Variants in LDAF1 observed in about 807,000 individuals in gnomAD.
LDAF1 encodes PROMETHIN.
In LDAF1, 7 loss-of-function variants were observed where a neutral mutation model predicts 13.5. That is an observed-to-expected ratio of 0.52 (90% CI 0.29 to 0.97). The LOEUF is 0.97. Among genes scored for constraint, LDAF1 ranks in the 50% least tolerant of loss-of-function variants. The probability of loss-of-function intolerance (pLI) is 0.07; values close to 1 mark genes in which losing one functional copy is unlikely to be tolerated. For missense variants in LDAF1, 148 were observed against 193.2 expected, an observed-to-expected ratio of 0.77 and a Z score of 1.39; for synonymous variants, 69 against 77.1, an observed-to-expected ratio of 0.89 and a Z score of 0.55.
At chr16:21,175,916 G>A (rs1327131587) in intron 4 of LDAF1, among the ~76,000 whole-genome samples, 1 of 151,940 alleles carries the variant, frequency 6.6e-6, no homozygotes, top group Non-Finnish European at 1.5e-5. Flanking sequence ...TTGTTCATTT[G>A]TATTTTACTT....
chr16:21,168,856 T>C (rs2093055078), intron 2 of LDAF1, among the ~76,000 whole-genome samples: 2 of 134,662 alleles, frequency 1.5e-5, no homozygotes, highest in South Asian at 4.3e-4. Context: ...AATATTTTTA[T>C]ATTTTATATT....
intron 4 of LDAF1, 87 bp from the exon 5 acceptor site, chr16:21,179,386 AAG>A: frequency 6.2e-7 from 1 of 1,609,026 alleles, no homozygotes; most frequent in East Asian, 2.2e-5. Context: ...AATCAGGAAA[AAG>A]AACATCATGT....
chr16:21,159,386 G>A (rs764450266), intron 1 of LDAF1: 2 of 1,614,114 alleles, frequency 1.2e-6, no homozygotes, highest in African/African-American at 1.3e-5. Context: ...CTGAAAGGCT[G>A]GGCCCGGATG....
chr16:21,179,809 G>T lies in LDAF1; in HGVS notation c.*253G>T, dbSNP rs930931059. 6 of 413,122 alleles carry T rather than the reference G, an allele frequency of 1.5e-5. No individual in the cohort carries two copies. Among genetic ancestry groups the T allele is most frequent in the African/African-American group, 1.2e-4 (6 of 48,970 alleles). The allele number at this position is 413,122 out of a possible 1,614,324, so 25.6% of individuals were successfully genotyped here. On this transcript the variant is annotated 3_prime_UTR_variant, in exon 5 of 5. Transcript: ENST00000233047. ...CGCCCTGCCCCAAGTATGCAGACTT[G>T]ACCTTGGCGGGGTCCTGGGCTTCTA...
chr16:21,166,693 G>C (rs2093027358), intron 2 of LDAF1: 5 of 664,578 alleles, frequency 7.5e-6, no homozygotes, highest in Non-Finnish European at 1.3e-5. Flanking sequence ...TCTTTGGATT[G>C]TAAAGATCAG....
At chr16:21,172,246 G>A (rs1049193817) in intron 3 of LDAF1, among the ~76,000 whole-genome samples, 1 of 151,246 alleles carries the variant, frequency 6.6e-6, no homozygotes, top group Non-Finnish European at 1.5e-5. Flanking sequence ...AGGAGTTCGC[G>A]ACCAGCCTGG....
At chr16:21,159,526 CAGG>C (rs2092942116) in intron 1 of LDAF1, 2 of 1,274,866 alleles carry the variant, frequency 1.6e-6, no homozygotes, top group East Asian at 2.3e-5. Flanking sequence ...GTGGGAGGGC[CAGG>C]AGATTTATTT....
At chr16:21,176,612 C>T (rs1355374285) in intron 4 of LDAF1, among the ~76,000 whole-genome samples, 1 of 152,108 alleles carries the variant, frequency 6.6e-6, no homozygotes, top group Non-Finnish European at 1.5e-5. Context: ...CATTGCACTC[C>T]AGCCTGGGCA....
At chr16:21,167,182 C>A (rs2152844437) in intron 2 of LDAF1, among the ~76,000 whole-genome samples, 1 of 152,358 alleles carries the variant, frequency 6.6e-6, no homozygotes, top group African/African-American at 2.4e-5. Flanking sequence ...GCATGAACCA[C>A]AAACCCCTCC....
chr16:21,159,223 G>C, intron 1 of LDAF1: 1 of 1,058,458 alleles, frequency 9.4e-7, no homozygotes, highest in Non-Finnish European at 1.5e-6. Flanking sequence ...AAGTATCAAA[G>C]GGGGCTTCTT....
At chr16:21,159,314 C>T in intron 1 of LDAF1, 3 of 1,610,124 alleles carry the variant, frequency 1.9e-6, no homozygotes, top group Non-Finnish European at 2.6e-6. Flanking sequence ...GGACGCGGAC[C>T]CCCTCTCCAC....
chr16:21,175,676 C>T (rs1003096638), intron 4 of LDAF1, among the ~76,000 whole-genome samples: 2 of 152,190 alleles, frequency 1.3e-5, no homozygotes, highest in Non-Finnish European at 2.9e-5. Context: ...ATTTGGCCAA[C>T]CATTGCTCTA....
At chr16:21,170,265 A>AGTGTTGG in intron 2 of LDAF1, 172 bp from the exon 3 acceptor site, 1 of 977,320 alleles carries the variant, frequency 1.0e-6, no homozygotes, top group Non-Finnish European at 1.2e-6. Flanking sequence ...GGCCTCCCAA[A>AGTGTTGG]GTGTTGGGAT....
chr16:21,159,524 G>T, intron 1 of LDAF1: 1 of 1,284,548 alleles, frequency 7.8e-7, no homozygotes, highest in South Asian at 1.2e-5. Context: ...GGGTGGGAGG[G>T]CCAGGAGATT....
chr16:21,159,292 C>G (rs779541577), intron 1 of LDAF1: 39 of 1,574,764 alleles, frequency 2.5e-5, no homozygotes, highest in Non-Finnish European at 3.4e-5. Flanking sequence ...TATTCAGTCT[C>G]TGTGCCTTCT....
At chr16:21,172,516 A>C (rs2093099336) in intron 3 of LDAF1, among the ~76,000 whole-genome samples, 1 of 152,120 alleles carries the variant, frequency 6.6e-6, no homozygotes, top group African/African-American at 2.4e-5. Flanking sequence ...AGTCCCAGCT[A>C]CTCAGAAGGC....
At position 21,170,679 on chromosome 16, in the gene LDAF1, A is replaced by T. The variant is rs969780022; in HGVS notation, c.265+74A>T. On this transcript the variant is annotated intron_variant, in intron 3 of 4. Coordinates refer to ENST00000233047, the MANE Select transcript of LDAF1 (RefSeq NM_001301771.2). ...AAAAATACTTTTGGGGCCATTTAAA[A>T]ATTTTTTTAAGGGGCGGGGTCTTGT... The T allele has an allele frequency of 2.1e-5, 34 of 1,587,088 alleles. No homozygotes were observed. The South Asian group carries it at 3.8e-4, about 18-fold the overall frequency.
rs1337480302 is a variant in LDAF1, at chr16:21,179,591, C to T, written c.*35C>T. ...CAGAGGCCGGGCTTCTTTTCAAGTA[C>T]TGCTGGATCATACTCACCCCTTGGG... On this transcript the variant is annotated 3_prime_UTR_variant, in exon 5 of 5. Coordinates refer to ENST00000233047, the MANE Select transcript of LDAF1 (RefSeq NM_001301771.2). 6.3e-7 allele frequency: 1 copy of T among 1,581,500 alleles called. No individual in the cohort carries two copies. Among genetic ancestry groups the T allele is most frequent in the South Asian group, 1.1e-5 (1 of 89,464 alleles).
intron 4 of LDAF1, among the ~76,000 whole-genome samples, chr16:21,175,757 GTTA>G (rs2093133291): frequency 6.6e-6 from 1 of 152,108 alleles, no homozygotes; most frequent in Non-Finnish European, 1.5e-5. Context: ...AGTTTATCCT[GTTA>G]TTATTCCTAT....
Sources: allele counts gnomAD v4.1 joint callset (sites outside exome capture counted in the v4.1 genomes callset), GRCh38; gene constraint gnomAD v4.1.1; transcripts MANE v1.5; gene names NCBI Gene and HGNC (gene_info 2026-07-23, HGNC 2026-07-21).